Variants in UGT2B11 observed in about 807,000 individuals in gnomAD.
UGT2B11 encodes UDP glucuronosyltransferase family 2 member B11.
A neutral mutation model predicts 51.7 loss-of-function variants in UGT2B11; 49 were observed. That is an observed-to-expected ratio of 0.95 (90% CI 0.75 to 1.20). The LOEUF is 1.20. Among genes scored for constraint, UGT2B11 ranks in the 50% most tolerant of loss-of-function variants. The probability of loss-of-function intolerance (pLI) is 0.00; values close to 1 mark genes in which losing one functional copy is unlikely to be tolerated. For synonymous variants in UGT2B11, 273 were observed against 209.0 expected, an observed-to-expected ratio of 1.31 and a Z score of -2.64; for missense variants, 810 against 622.1, an observed-to-expected ratio of 1.30 and a Z score of -3.21.
At chr4:69,203,534 A>C (rs966931256) in intron 5 of UGT2B11, among the ~76,000 whole-genome samples, 8 of 151,782 alleles carry the variant, frequency 5.3e-5, no homozygotes, top group African/African-American at 1.9e-4. Context: ...ATTTATGCAA[A>C]AACAAGTATA....
rs749929956 is a variant in UGT2B11 at position 69,214,063 on chromosome 4, A to G, written c.660T>C (p.Phe220=). The change falls in exon 1 of 6, where the codon TTT becomes TTC. Residue 220 remains phenylalanine (F), a synonymous_variant. Transcript: ENST00000446444. ...TATCAGACATTTGGAACCAAAAGTC[A>G]AAATAAAGCACATAGATCATATTTT... The part of the protein sequence containing the change: ...RVKNMIYVLY[F]DFWFQMSDMK... 8 of 1,606,196 alleles carry G rather than the reference A, an allele frequency of 5.0e-6. No homozygotes were observed. The highest frequency in any genetic ancestry group is 6.8e-6 in the Non-Finnish European group (8 of 1,176,950).
upstream of UGT2B11, among the ~76,000 whole-genome samples, chr4:69,219,022 C>T (rs1279074626): frequency 1.7e-4 from 26 of 152,110 alleles, no homozygotes; most frequent in Admixed American, 1.7e-3. Context: ...GGGTAGAGAA[C>T]CAGCTGTAGT....
the UGT2B11 span, among the ~76,000 whole-genome samples, chr4:69,224,157 G>A: frequency 4.6e-5 from 7 of 152,152 alleles, no homozygotes; most frequent in Admixed American, 2.0e-4. Flanking sequence ...TTTAAATAGA[G>A]AATCTTCATC....
At position 69,205,551 on chromosome 4, in the gene UGT2B11, T is replaced by C; in HGVS notation, c.1019A>G (p.Asp340Gly). 1 of 1,610,184 alleles carries C rather than the reference T, an allele frequency of 6.2e-7. No individual in the cohort carries two copies. The highest frequency in any genetic ancestry group is 2.2e-5 in the East Asian group (1 of 44,668). The change falls in exon 4 of 6, where the codon GAC becomes GGC. Residue 340 changes from aspartate to glycine, a missense_variant. Physicochemically the swap from Asp to Gly is moderately conservative, Grantham distance 94 (BLOSUM62 -1). Transcript: ENST00000446444. ...ACCTAAGGCATCTGGTTTATTCCCG[T>C]CAAATCTCCACAGAACCTGTTACAG... ...KIPQKVLWRFDGNKPDALGLN... is the reference protein window; with the variant it reads ...KIPQKVLWRFGGNKPDALGLN...
At chr4:69,211,423 G>C (rs1722059627) in intron 2 of UGT2B11, among the ~76,000 whole-genome samples, 1 of 151,442 alleles carries the variant, frequency 6.6e-6, no homozygotes, top group South Asian at 2.1e-4. Flanking sequence ...CTTTGCAAGA[G>C]AATATAACCT....
At chr4:69,224,769 G>T in the UGT2B11 span, among the ~76,000 whole-genome samples, 1 of 149,718 alleles carries the variant, frequency 6.7e-6, no homozygotes, top group African/African-American at 2.4e-5. Context: ...AAAAAAAGCT[G>T]TAGGCTTTAT....
At chr4:69,221,358 G>A in the UGT2B11 span, among the ~76,000 whole-genome samples, 4,760 of 152,300 alleles carry the variant, frequency 0.031, 172 homozygotes, top group Admixed American at 0.1. Flanking sequence ...TCCTTTGAGA[G>A]CTTCAGGCCT....
chr4:69,211,453 G>T (rs899416855), intron 2 of UGT2B11, among the ~76,000 whole-genome samples: 11 of 151,418 alleles, frequency 7.3e-5, no homozygotes, highest in African/African-American at 2.7e-4. Context: ...GAATAATCTG[G>T]TTCTCTTAAA....
upstream of UGT2B11, among the ~76,000 whole-genome samples, chr4:69,217,561 A>C (rs1316712067): frequency 6.6e-6 from 1 of 152,094 alleles, no homozygotes; most frequent in East Asian, 1.9e-4. Flanking sequence ...TCTCTGTCTC[A>C]GAACAGCACT....
intron 5 of UGT2B11, among the ~76,000 whole-genome samples, 161 bp from the exon 6 acceptor site, chr4:69,200,880 G>C: frequency 6.6e-6 from 1 of 151,546 alleles, no homozygotes; most frequent in African/African-American, 2.4e-5. Context: ...TAGATAGTTT[G>C]GCTTTTAAAT....
rs1722198476 is a variant in UGT2B11, at chr4:69,214,463, T to C, written c.260A>G (p.Glu87Gly). 1.9e-6 allele frequency: 3 copies of C among 1,613,192 alleles called. No individual in the cohort carries two copies. The highest frequency in any genetic ancestry group is 2.5e-6 in the Non-Finnish European group (3 of 1,179,530). ...YPTSLTKTEF[E>G]NIIMQQVKRW... Reference sequence around the variant, plus strand: ...CTTAACCTGTTGCATGATGATATTCTCAAATTCAGTTTTAGTTAAAGATGT... The same window carrying C: ...CTTAACCTGTTGCATGATGATATTCCCAAATTCAGTTTTAGTTAAAGATGT... The change falls in exon 1 of 6, where the codon GAG (glutamate) becomes GGG (glycine). Residue 87 changes from glutamate (E) to glycine (G), a missense_variant. Physicochemically the swap from Glu to Gly is moderately conservative, Grantham distance 98. Coordinates refer to ENST00000446444, the MANE Select transcript of UGT2B11 (RefSeq NM_001073.3).
the UGT2B11 span, among the ~76,000 whole-genome samples, chr4:69,220,167 G>C: frequency 6.6e-6 from 1 of 152,048 alleles, no homozygotes; most frequent in African/African-American, 2.4e-5. Context: ...AAAATCCAGG[G>C]GACAGTCATT....
chr4:69,215,037 G>A (rs1722223732), upstream of UGT2B11: 2 of 265,648 alleles, frequency 7.5e-6, no homozygotes, highest in Non-Finnish European at 1.4e-5. Flanking sequence ...GTCCTGCAGA[G>A]CCCTTGACAC....
At chr4:69,204,770 C>A (rs956523637) in intron 4 of UGT2B11, 121 bp from the exon 5 acceptor site, 30 of 1,487,004 alleles carry the variant, frequency 2.0e-5, no homozygotes, top group Non-Finnish European at 2.6e-5. Context: ...TATTACTTTT[C>A]AGACTTCAGA....
rs1002015999 is a variant in UGT2B11, at chr4:69,214,646, A to C, written c.77T>G (p.Val26Gly). 7 of 1,613,014 alleles carry C rather than the reference A, an allele frequency of 4.3e-6. No individual in the cohort carries two copies. The African/African-American group carries it at 5.3e-5, about 12-fold the overall frequency. ...CYFSSGSCGK[V>G]LVWAAEYSHW... ...GCTGTATTCTGCGGCCCACACCAGC[A>C]CTTTTCCACAACTCCCAGAGCTAAA... is the stretch of plus-strand genomic sequence containing the variant. Residue 26 changes from valine (V) to glycine (G), a missense_variant, in exon 1 of 6, where the codon GTG becomes GGG. Physicochemically the swap from Val to Gly is moderately radical, Grantham distance 109 (BLOSUM62 -3). Transcript: ENST00000446444.
intron 5 of UGT2B11, among the ~76,000 whole-genome samples, chr4:69,203,063 C>G: frequency 6.6e-6 from 1 of 151,466 alleles, no homozygotes; most frequent in Non-Finnish European, 1.5e-5. Context: ...CAAAGACCAT[C>G]ATCAAAAAGT....
intron 3 of UGT2B11, among the ~76,000 whole-genome samples, chr4:69,206,148 G>C (rs1202699394): frequency 6.6e-6 from 1 of 151,200 alleles, no homozygotes; most frequent in Non-Finnish European, 1.5e-5. Context: ...GACTATAACT[G>C]GTTCTTTTAT....
the UGT2B11 span, among the ~76,000 whole-genome samples, chr4:69,223,667 G>A: frequency 2.0e-5 from 3 of 152,274 alleles, no homozygotes; most frequent in South Asian, 6.2e-4. Flanking sequence ...ATTAGCAACA[G>A]GAGGCTTATT....
the UGT2B11 span, among the ~76,000 whole-genome samples, chr4:69,221,581 A>G: frequency 6.6e-6 from 1 of 152,248 alleles, no homozygotes; most frequent in East Asian, 1.9e-4. Flanking sequence ...CTCCCTAATA[A>G]GGGTGTGGGA....
Sources: gnomAD v4.1 joint callset for allele counts (sites outside exome capture counted in the v4.1 genomes callset) on GRCh38, gnomAD v4.1.1 for gene constraint, MANE v1.5 for transcripts, NCBI Gene and HGNC (gene_info 2026-07-23, HGNC 2026-07-21) for gene names.